Variants in PXDC1 observed in about 807,000 individuals in gnomAD.
The protein encoded by PXDC1 is PX domain-containing protein 1.
A neutral mutation model predicts 24.4 loss-of-function variants in PXDC1; 13 were observed. The observed-to-expected ratio is 0.53, with a 90% CI of 0.35 to 0.85. The LOEUF (loss-of-function observed/expected upper bound fraction) is 0.85, where lower values mean the gene tolerates loss of function less well. PXDC1 is among the 40% of genes least tolerant of loss of function. The pLI is 0.01. For synonymous variants in PXDC1, 162 were observed against 124.9 expected, an observed-to-expected ratio of 1.30 and a Z score of -1.98; for missense variants, 344 against 309.3, an observed-to-expected ratio of 1.11 and a Z score of -0.84.
At chr6:3,747,970 A>G (rs1760606976) in intron 1 of PXDC1, among the ~76,000 whole-genome samples, 1 of 152,238 alleles carries the variant, frequency 6.6e-6, no homozygotes, top group Non-Finnish European at 1.5e-5. Flanking sequence ...CTACTCGGGA[A>G]CACAATCTGT....
At chr6:3,738,887 G>A (rs1403303604) in intron 1 of PXDC1, 1 of 1,302,760 alleles carries the variant, frequency 7.7e-7, no homozygotes, top group Admixed American at 2.3e-5. Context: ...CTATCCGTCG[G>A]CTTTGCAGGG....
At position 3,737,122 on chromosome 6, in the gene PXDC1, C is replaced by T. The variant is rs1389802668; in HGVS notation, c.423G>A (p.Val141=). 2 of 1,613,722 alleles carry T rather than the reference C, an allele frequency of 1.2e-6. No homozygotes were observed. The part of the protein sequence containing the change: ...PLDQVLKNDN[V]HKIQPSFQSP... The stretch of plus-strand genomic sequence containing the variant: ...TTTGAAAGCTGGGTTGAATTTTATG[C>T]ACATTATCATTTTTTAACACCTGAT... Residue 141 remains valine, a synonymous_variant, in exon 3 of 5, where the codon GTG becomes GTA. Coordinates refer to ENST00000380283, the MANE Select transcript of PXDC1 (RefSeq NM_183373.4). The surrounding 1 kb of genome is among the most constrained non-coding windows in gnomAD (Gnocchi z 5.5).
rs904278658 is a variant in PXDC1 at position 3,737,629 on chromosome 6, T to C, written c.348+428A>G. 8.1e-6 allele frequency: 8 copies of C among 984,764 alleles called. No homozygotes were observed. The highest frequency in any genetic ancestry group is 3.5e-5 in the African/African-American group (2 of 57,256). The allele number at this position is 984,764 out of a possible 1,614,324, so 61.0% of individuals were successfully genotyped here. A position where few individuals can be genotyped will look rare whatever the true frequency, so the allele number is the denominator to read the frequency against. ...CCCGCAGGCTTACATGGAAAGGGAG[T>C]TGACGGTCAAATCCGGGCAACGTGC... On this transcript the variant is annotated intron_variant, in intron 2 of 4. Coordinates refer to ENST00000380283, the MANE Select transcript of PXDC1 (RefSeq NM_183373.4). This position sits in a 1 kb window ranked among gnomAD's most constrained non-coding sequence, Gnocchi z 5.5.
intron 1 of PXDC1, chr6:3,738,712 C>T (rs549320908): frequency 1.7e-6 from 2 of 1,184,532 alleles, no homozygotes; most frequent in East Asian, 5.8e-5. Context: ...TGCCACTTTC[C>T]AGGAATCTGG....
At position 3,728,744 on chromosome 6, in the gene PXDC1, G is replaced by A. The variant is rs113703352; in HGVS notation, c.467-1082C>T. ...ACTCCTGGATCGCATCATGCCATCT[G>A]GTCCATCTAGGTATAAAAAGCTGCA... is the stretch of plus-strand genomic sequence containing the variant. On this transcript the variant is annotated intron_variant, in intron 3 of 4. Coordinates refer to ENST00000380283, the MANE Select transcript of PXDC1 (RefSeq NM_183373.4). This position sits in a 1 kb window ranked among gnomAD's most constrained non-coding sequence, Gnocchi z 4.0. Among the ~76,000 whole-genome samples the A allele has an allele frequency of 8.3e-3, 1,268 of 152,204 alleles. 19 individuals carry two copies. Among genetic ancestry groups the A allele is most frequent in the African/African-American group, 0.029 (1,205 of 41,504 alleles).
chr6:3,736,553 A>T (rs757077284), intron 3 of PXDC1, among the ~76,000 whole-genome samples: 1 of 152,180 alleles, frequency 6.6e-6, no homozygotes, highest in Non-Finnish European at 1.5e-5. Context: ...TAGTGTTCTC[A>T]TGACACCTGC....
chr6:3,751,220 C>A, intron 1 of PXDC1, 56 bp downstream of exon 1: 1 of 1,287,664 alleles, frequency 7.8e-7, no homozygotes, highest in South Asian at 1.6e-5. Context: ...CCGCCTCCTT[C>A]GTGCACTTCA....
At chr6:3,747,611 C>T (rs752981482) in intron 1 of PXDC1, among the ~76,000 whole-genome samples, 9 of 152,192 alleles carry the variant, frequency 5.9e-5, no homozygotes, top group African/African-American at 9.7e-5. Flanking sequence ...GCATGATCCC[C>T]GCTTTCCTTC....
At chr6:3,743,815 T>G (rs1014272380) in intron 1 of PXDC1, among the ~76,000 whole-genome samples, 11 of 152,314 alleles carry the variant, frequency 7.2e-5, no homozygotes, top group African/African-American at 2.6e-4. Flanking sequence ...CCCCCACACC[T>G]CCACGCTGCA....
chr6:3,748,731 C>T (rs1015855234), intron 1 of PXDC1, among the ~76,000 whole-genome samples: 1 of 152,200 alleles, frequency 6.6e-6, no homozygotes, highest in African/African-American at 2.4e-5. Flanking sequence ...GTCACCAGCC[C>T]ACTGCCAGCA....
At chr6:3,744,308 T>C (rs1350737558) in intron 1 of PXDC1, among the ~76,000 whole-genome samples, 1 of 152,148 alleles carries the variant, frequency 6.6e-6, no homozygotes, top group East Asian at 1.9e-4. Context: ...TCCACCAGGC[T>C]GGGGATACCA....
chr6:3,741,310 G>C (rs1391485951), intron 1 of PXDC1, among the ~76,000 whole-genome samples: 1 of 152,206 alleles, frequency 6.6e-6, no homozygotes, highest in Non-Finnish European at 1.5e-5. Context: ...TGTGTTCCTT[G>C]GGTGTGTAAA....
chr6:3,751,335 C>T lies in PXDC1; in HGVS notation c.197G>A (p.Arg66His). Residue 66 changes from arginine to histidine, a missense_variant, in exon 1 of 5, where the codon CGC (arginine) becomes CAC (histidine). Coordinates refer to ENST00000380283, the MANE Select transcript of PXDC1 (RefSeq NM_183373.4). ...GTCCTCGGGAAAGGCGTCGCGCAGG[C>T]GCTGCCACAGGCGGCCCAGGTCCGC... ...SLADLGRLWQ[R>H]LRDAFPEDRS... 4 of 1,551,888 alleles carry T rather than the reference C, an allele frequency of 2.6e-6. No individual in the cohort carries two copies. The highest frequency in any genetic ancestry group is 4.9e-5 in the East Asian group (2 of 41,020).
chr6:3,732,784 G>A (rs1412257480), intron 3 of PXDC1, among the ~76,000 whole-genome samples: 1 of 152,188 alleles, frequency 6.6e-6, no homozygotes, highest in Non-Finnish European at 1.5e-5. Context: ...CTCAGCACCT[G>A]CAGGTCCCCA....
intron 1 of PXDC1, among the ~76,000 whole-genome samples, chr6:3,743,557 C>G (rs1342326940): frequency 6.6e-6 from 1 of 152,078 alleles, no homozygotes; most frequent in Non-Finnish European, 1.5e-5. Flanking sequence ...TTTAGGAAAG[C>G]CTTTAAAACT....
At chr6:3,740,780 C>G (rs918164108) in intron 1 of PXDC1, among the ~76,000 whole-genome samples, 2 of 152,272 alleles carry the variant, frequency 1.3e-5, no homozygotes, top group Admixed American at 1.3e-4. Flanking sequence ...AAGCCACCTG[C>G]TCTGTGATGA....
intron 1 of PXDC1, among the ~76,000 whole-genome samples, chr6:3,743,485 A>AG (rs1300154739): frequency 1.3e-5 from 2 of 152,108 alleles, no homozygotes; most frequent in African/African-American, 4.8e-5. Flanking sequence ...GCTGCACGGG[A>AG]GACACACATT....
In PXDC1 at chr6:3,751,239, TCGGCCCCGCGCCCCTCCCGCGTCCC is replaced by T. The variant is rs1031429284; in HGVS notation, c.256+12_256+36del. The T allele has an allele frequency of 2.1e-6, 3 of 1,409,538 alleles. No homozygotes were observed. Among genetic ancestry groups the T allele is most frequent in the African/African-American group, 1.5e-5 (1 of 66,166 alleles). The allele number at this position is 1,409,538 out of a possible 1,614,324, so 87.3% of individuals were successfully genotyped here. A position where few individuals can be genotyped will look rare whatever the true frequency, so the allele number is the denominator to read the frequency against. ...CTCCTTCGTGCACTTCAAGGCTGCC[TCGGCCCCGCGCCCCTCCCGCGTCCC>T]CGGCCCCGCACCTTGCCGCAGCGGC... On this transcript the variant is annotated intron_variant, in intron 1 of 4. Transcript: ENST00000380283.
chr6:3,751,356 T>G lies in PXDC1; in HGVS notation c.176A>C (p.Asp59Ala), dbSNP rs1356598642. ...CAGGCGCTGCCACAGGCGGCCCAGG[T>G]CCGCCAGGCTGCGGTGCAGGTAGAG... ...SVLYLHRSLA[D>A]LGRLWQRLRD... Residue 59 changes from aspartate to alanine, a missense_variant, in exon 1 of 5, where the codon GAC (aspartate) becomes GCC (alanine). Coordinates refer to ENST00000380283, the MANE Select transcript of PXDC1 (RefSeq NM_183373.4). 6.4e-7 allele frequency: 1 copy of G among 1,557,652 alleles called. No individual in the cohort carries two copies. Among genetic ancestry groups the G allele is most frequent in the Non-Finnish European group, 8.7e-7 (1 of 1,153,832 alleles).
Sources: allele counts gnomAD v4.1 joint callset (sites outside exome capture counted in the v4.1 genomes callset), GRCh38; gene constraint gnomAD v4.1.1; non-coding constraint Gnocchi (gnomAD v3.1); transcripts MANE v1.5; gene names NCBI Gene and HGNC (gene_info 2026-07-23, HGNC 2026-07-21).